Variants in SHISAL1 observed in about 807,000 individuals in gnomAD.
SHISAL1 encodes the protein protein shisa-like-1.
In SHISAL1, 9 loss-of-function variants were observed where a neutral mutation model predicts 22.6. That is an observed-to-expected ratio of 0.40 (90% confidence interval 0.24 to 0.70). The LOEUF (loss-of-function observed/expected upper bound fraction) is 0.70, where lower values mean the gene tolerates loss of function less well. SHISAL1 is among the 30% of genes least tolerant of loss of function. The probability of loss-of-function intolerance (pLI) is 0.39; values close to 1 mark genes in which losing one functional copy is unlikely to be tolerated. For missense variants in SHISAL1, 246 were observed against 270.6 expected (o/e 0.91, Z 0.64); for synonymous variants, 119 against 115.4 (o/e 1.03, Z -0.20).
At chr22:44,266,028 G>A (rs535242063) in intron 4 of SHISAL1, among the ~76,000 whole-genome samples, 1 of 152,294 alleles carries the variant, frequency 6.6e-6, no homozygotes, top group African/African-American at 2.4e-5. Flanking sequence ...TGCTTCAGGG[G>A]AGAGTTGCTG....
the SHISAL1 span, among the ~76,000 whole-genome samples, chr22:44,320,361 C>A: frequency 6.6e-6 from 1 of 152,178 alleles, no homozygotes; most frequent in African/African-American, 2.4e-5. Flanking sequence ...CAGAACTGGG[C>A]ATGGAGGAGA....
the SHISAL1 span, among the ~76,000 whole-genome samples, chr22:44,328,989 G>A: frequency 6.6e-5 from 10 of 152,228 alleles, no homozygotes; most frequent in African/African-American, 2.4e-4. Flanking sequence ...GCTGATTCAC[G>A]CCTGTCATTC....
chr22:44,301,429 G>A lies in SHISAL1; in HGVS notation c.-32-452C>T, dbSNP rs555135623. ...GTATGCACGGAGCCAGGCAGCTTCC[G>A]AGGCACAAGGCACACAGCAGTGCAT... On this transcript the variant is annotated intron_variant, in intron 1 of 4. Transcript: ENST00000381176. 3.9e-5 allele frequency among the ~76,000 whole-genome samples: 6 copies of A among 152,276 alleles called. No homozygotes were observed. In the South Asian group the frequency reaches 1.0e-3, roughly 26 times the overall value.
At chr22:44,325,387 C>A in the SHISAL1 span, among the ~76,000 whole-genome samples, 1 of 152,144 alleles carries the variant, frequency 6.6e-6, no homozygotes, top group Non-Finnish European at 1.5e-5. Flanking sequence ...ACGCAGAGAC[C>A]GAGGCTCAGA....
intron 1 of SHISAL1, among the ~76,000 whole-genome samples, chr22:44,306,612 C>G (rs2055477375): frequency 8.0e-6 from 1 of 124,322 alleles, no homozygotes; most frequent in African/African-American, 3.0e-5. Flanking sequence ...GGGAACTGGG[C>G]TCAAGGAGCT....
intron 4 of SHISAL1, among the ~76,000 whole-genome samples, chr22:44,259,656 T>A (rs909595171): frequency 2.0e-5 from 3 of 151,668 alleles, no homozygotes; most frequent in African/African-American, 4.8e-5. Flanking sequence ...CAAGGGGAGC[T>A]GAGAAGGAAA....
chr22:44,275,727 T>C lies in SHISAL1; in HGVS notation c.599+9701A>G, dbSNP rs528682642. On this transcript the variant is annotated intron_variant, in intron 4 of 4. Transcript: ENST00000381176. Reference sequence around the variant, plus strand: ...GCCGTGCAGTTCCCAGCAATCTCTCTCCGAGCCTTGGTGTCTCCTTCATAA... The same window carrying C: ...GCCGTGCAGTTCCCAGCAATCTCTCCCCGAGCCTTGGTGTCTCCTTCATAA... 4.6e-5 allele frequency among the ~76,000 whole-genome samples: 7 copies of C among 152,322 alleles called. No homozygotes were observed. The East Asian group carries it at 1.3e-3, about 29-fold the overall frequency.
At chr22:44,263,505 C>T (rs2055140783) in intron 4 of SHISAL1, among the ~76,000 whole-genome samples, 1 of 152,158 alleles carries the variant, frequency 6.6e-6, no homozygotes, top group African/African-American at 2.4e-5. Flanking sequence ...ATGGCCATCC[C>T]AAGGAACACT....
intron 1 of SHISAL1, among the ~76,000 whole-genome samples, chr22:44,306,659 CGGGG>C (rs2055478556): frequency 7.9e-6 from 1 of 125,938 alleles, no homozygotes; most frequent in Non-Finnish European, 1.7e-5. Context: ...GACCTGGGCT[CGGGG>C]AGCTGTGATG....
chr22:44,287,831 C>T (rs1452952257), intron 3 of SHISAL1, among the ~76,000 whole-genome samples: 2 of 152,126 alleles, frequency 1.3e-5, no homozygotes. Context: ...CCAGGCCCTC[C>T]TGCTTTCCCC....
chr22:44,253,272 A>C (rs1039359121), intron 4 of SHISAL1, among the ~76,000 whole-genome samples: 2 of 152,176 alleles, frequency 1.3e-5, no homozygotes, highest in Admixed American at 1.3e-4. Flanking sequence ...CTGAATGAGA[A>C]AAAAGAAGGG....
rs928529589 is a variant in SHISAL1, at chr22:44,246,640, T to C, written c.*3045A>G. ...GCATTTTGAGGAGCCCTTGACACCA[T>C]TGGGGGATTGAATACACACACACCT... On this transcript the variant is annotated 3_prime_UTR_variant, in exon 5 of 5. Coordinates refer to ENST00000381176, the MANE Select transcript of SHISAL1 (RefSeq NM_001099294.2). 1.3e-5 allele frequency: 2 copies of C among 152,190 alleles called. No homozygotes were observed. Among genetic ancestry groups the C allele is most frequent in the Non-Finnish European group, 2.9e-5 (2 of 68,152 alleles). The allele number at this position is 152,190 out of a possible 1,614,324, so 9.4% of individuals were successfully genotyped here. A position where few individuals can be genotyped will look rare whatever the true frequency, so the allele number is the denominator to read the frequency against.
intron 4 of SHISAL1, among the ~76,000 whole-genome samples, chr22:44,258,269 T>C (rs143351680): frequency 0.058 from 8,875 of 152,130 alleles, 348 homozygotes; most frequent in East Asian, 0.093. Flanking sequence ...ATCGCACCAC[T>C]GCACTCCAGC....
chr22:44,302,280 C>T (rs989246795), intron 1 of SHISAL1, among the ~76,000 whole-genome samples: 6 of 143,206 alleles, frequency 4.2e-5, no homozygotes, highest in Non-Finnish European at 5.9e-5. Flanking sequence ...GTGGAGGCTG[C>T]AGTGAGCTGA....
chr22:44,317,631 T>TG, upstream of SHISAL1, among the ~76,000 whole-genome samples: 1 of 152,212 alleles, frequency 6.6e-6, no homozygotes. Flanking sequence ...TGCCTTGCTC[T>TG]GTGGGCTGTT....
At position 44,310,457 on chromosome 22, in the gene SHISAL1, G is replaced by A. The variant is rs1406540700; in HGVS notation, c.-33+2294C>T. ...CTTTGCAGCGAGTCTCCTTGGCCTTGGATCAGAGCTTTATCACTAACTAGC... is the reference window on the plus strand; with the variant it reads ...CTTTGCAGCGAGTCTCCTTGGCCTTAGATCAGAGCTTTATCACTAACTAGC... On this transcript the variant is annotated intron_variant, in intron 1 of 4. Transcript: ENST00000381176. This position sits in a 1 kb window ranked among gnomAD's most constrained non-coding sequence, Gnocchi z 4.0. Among the ~76,000 whole-genome samples the A allele has an allele frequency of 6.6e-6, 1 of 152,170 alleles. No individual in the cohort carries two copies. The highest frequency in any genetic ancestry group is 6.5e-5 in the Admixed American group (1 of 15,282).
chr22:44,296,586 G>T, intron 3 of SHISAL1, 86 bp downstream of exon 3: 3 of 1,199,190 alleles, frequency 2.5e-6, no homozygotes, highest in East Asian at 2.3e-5. Flanking sequence ...TTACCCAACC[G>T]CCTCCCTAGG....
At chr22:44,317,309 G>A (rs113805697), upstream of SHISAL1, among the ~76,000 whole-genome samples, 5,037 of 152,332 alleles carry the variant, frequency 0.033, 201 homozygotes, top group African/African-American at 0.086. Flanking sequence ...CAGCCACACC[G>A]GCCCGCAGCA....
intron 4 of SHISAL1, among the ~76,000 whole-genome samples, chr22:44,275,615 G>A (rs940268232): frequency 1.3e-5 from 2 of 152,340 alleles, no homozygotes; most frequent in Admixed American, 6.5e-5. Flanking sequence ...TACAGGAAGC[G>A]AAGTAAAGGC....
Sources: allele counts gnomAD v4.1 joint callset (sites outside exome capture counted in the v4.1 genomes callset), GRCh38; gene constraint gnomAD v4.1.1; non-coding constraint Gnocchi (gnomAD v3.1); transcripts MANE v1.5; gene names NCBI Gene and HGNC (gene_info 2026-07-23, HGNC 2026-07-21).